FCRL2: variants seen among roughly 807,000 people sequenced by gnomAD.
FCRL2 encodes the protein Fc receptor like 2.
Under a neutral mutation model 59.8 loss-of-function variants are expected in FCRL2, and 48 were observed. The ratio of observed to expected loss-of-function variants is 0.80; its 90% CI spans 0.64 to 1.02. The LOEUF (loss-of-function observed/expected upper bound fraction) is 1.02. FCRL2 is among the 50% of genes least tolerant of loss of function. The pLI is 0.00. For missense variants in FCRL2, 658 were observed against 597.3 expected (o/e 1.10, Z -1.06); for synonymous variants, 251 against 229.5 (o/e 1.09, Z -0.85).
At chr1:157,749,183 C>T (rs1012475874) in intron 8 of FCRL2, among the ~76,000 whole-genome samples, 3 of 146,900 alleles carry the variant, frequency 2.0e-5, no homozygotes, top group Non-Finnish European at 4.5e-5. Flanking sequence ...GATATTGCTC[C>T]AGAATCTTTT....
chr1:157,775,367 A>G (rs910624172), intron 2 of FCRL2, among the ~76,000 whole-genome samples: 2 of 152,242 alleles, frequency 1.3e-5, no homozygotes, highest in African/African-American at 4.8e-5. Context: ...CTGACCCTGC[A>G]GAAGTTTGTA....
intron 4 of FCRL2, 56 bp from the exon 5 acceptor site, chr1:157,768,757 T>C: frequency 6.7e-7 from 1 of 1,490,736 alleles, no homozygotes; most frequent in Non-Finnish European, 9.0e-7. Flanking sequence ...GGGAACAGGG[T>C]TTGACTGATT....
At chr1:157,764,016 C>G (rs143258634) in intron 7 of FCRL2, among the ~76,000 whole-genome samples, 1 of 126,564 alleles carries the variant, frequency 7.9e-6, no homozygotes, top group East Asian at 2.3e-4. Flanking sequence ...GGTGATAGTG[C>G]GAGACTTCAT....
rs1231685611 is a variant in FCRL2, at chr1:157,748,866, G to A, written c.1393+9C>T. 48 of 1,612,046 alleles carry A rather than the reference G, an allele frequency of 3.0e-5. No homozygotes were observed. Among genetic ancestry groups the A allele is most frequent in the Admixed American group, 5.0e-5 (3 of 59,974 alleles). The stretch of plus-strand genomic sequence containing the variant: ...CAGCCTCAGAGCCCTTCCCAGTGGA[G>A]ACACTCACCATTGACATACACTGGC... On this transcript the variant is annotated intron_variant, in intron 9 of 11. Transcript: ENST00000361516.
chr1:157,769,904 A>G lies in FCRL2; in HGVS notation c.557T>C (p.Ile186Thr). 1 of 1,613,978 alleles carries G rather than the reference A, an allele frequency of 6.2e-7. No individual in the cohort carries two copies. The highest frequency in any genetic ancestry group is 1.7e-5 in the Admixed American group (1 of 60,012). ...CTGGGATTGGAGGCTCTGTTTTCTG[A>G]TCCTGTGAGTCACCGTTTCTGCCTT... is the stretch of plus-strand genomic sequence containing the variant. Reference protein sequence around the residue: ...WCKAETVTHRIRKQSLQSQIH... With the variant: ...WCKAETVTHRTRKQSLQSQIH... Residue 186 changes from isoleucine (I) to threonine (T), a missense_variant, in exon 4 of 12, where the codon ATC (isoleucine) becomes ACC (threonine). By Grantham distance (89) the Ile-to-Thr change is moderately conservative (BLOSUM62 -1). Transcript: ENST00000361516.
intron 1 of FCRL2, among the ~76,000 whole-genome samples, chr1:157,776,826 A>T (rs879204804): frequency 6.6e-6 from 1 of 152,206 alleles, no homozygotes; most frequent in South Asian, 2.1e-4. Flanking sequence ...AAAGTGGTCC[A>T]CCTTGAACAT....
intron 5 of FCRL2, 96 bp from the exon 6 acceptor site, chr1:157,767,605 T>C (rs1392857925): frequency 1.2e-6 from 2 of 1,614,026 alleles, no homozygotes; most frequent in South Asian, 1.1e-5. Flanking sequence ...CCTGGCCCCA[T>C]GGCTGTTGCA....
rs1025916376 is a variant in FCRL2 at position 157,746,496 on chromosome 1, G to A, written c.*240C>T. ...TTACACACTGATTGCTTAAGAGAAG[G>A]TAGCAGAAATAATTTATTTGCACAG... On this transcript the variant is annotated 3_prime_UTR_variant, in exon 12 of 12. Transcript: ENST00000361516. The A allele has an allele frequency of 1.1e-5, 6 of 569,016 alleles. No homozygotes were observed. Among genetic ancestry groups the A allele is most frequent in the Non-Finnish European group, 1.9e-5 (6 of 318,316 alleles). 35.2% of individuals were successfully genotyped at this position (569,016 alleles called of 1,614,324 possible).
Position 157,760,686 on chromosome 1 carries a change from A to G in FCRL2, c.1279+6169T>C, listed in dbSNP as rs1260038018. On this transcript the variant is annotated intron_variant, in intron 7 of 11. Transcript: ENST00000361516. ...AGGAAGGAAGGAAGGAAGGAAAGAAAGAAAGAAAGAAGGAAAGAAAGAAAG... is the reference window on the plus strand; with the variant it reads ...AGGAAGGAAGGAAGGAAGGAAAGAAGGAAAGAAAGAAGGAAAGAAAGAAAG... Among the ~76,000 whole-genome samples, 1,015 of 117,102 alleles carry G rather than the reference A, an allele frequency of 8.7e-3. 20 individuals are homozygous for G. The highest frequency in any genetic ancestry group is 0.036 in the African/African-American group (937 of 26,290). The allele number at this position is 117,102 out of a possible 152,430, so 76.8% of individuals were successfully genotyped here. A position where few individuals can be genotyped will look rare whatever the true frequency, so the allele number is the denominator to read the frequency against.
intron 7 of FCRL2, 121 bp from the exon 8 acceptor site, chr1:157,749,798 T>C (rs1005113480): frequency 4.5e-5 from 27 of 599,846 alleles, no homozygotes; most frequent in Non-Finnish European, 7.0e-5. Context: ...AGTAATCCAA[T>C]TGTATTTCAT....
intron 2 of FCRL2, 30 bp downstream of exon 2, chr1:157,775,745 C>A: frequency 6.2e-7 from 1 of 1,613,684 alleles, no homozygotes; most frequent in African/African-American, 1.3e-5. Context: ...ATGCCAGAGA[C>A]CAAGAACAAC....
chr1:157,767,852 T>C lies in FCRL2; in HGVS notation c.884-343A>G, dbSNP rs1444228742. ...TAAGATTTCTATAATATTATAGTTGTTCCTGGGAAAACTGATACATAGGAG... is the reference window on the plus strand; with the variant it reads ...TAAGATTTCTATAATATTATAGTTGCTCCTGGGAAAACTGATACATAGGAG... On this transcript the variant is annotated intron_variant, in intron 5 of 11. Coordinates refer to ENST00000361516, the MANE Select transcript of FCRL2 (RefSeq NM_030764.4). The C allele has an allele frequency of 8.0e-6, 5 of 624,656 alleles. No homozygotes were observed. In the East Asian group the frequency reaches 1.6e-4, roughly 20 times the overall value. The allele number at this position is 624,656 out of a possible 1,614,324, so 38.7% of individuals were successfully genotyped here. A position where few individuals can be genotyped will look rare whatever the true frequency, so the allele number is the denominator to read the frequency against.
intron 7 of FCRL2, among the ~76,000 whole-genome samples, chr1:157,752,589 CTGAGTG>C (rs1380197174): frequency 6.6e-6 from 1 of 152,134 alleles, no homozygotes; most frequent in Non-Finnish European, 1.5e-5. Flanking sequence ...TCCTCTAAGA[CTGAGTG>C]TGAATGGGCA....
chr1:157,749,663 T>C lies in FCRL2; in HGVS notation c.1294A>G (p.Thr432Ala). The C allele has an allele frequency of 6.2e-7, 1 of 1,608,720 alleles. No homozygotes were observed. Among genetic ancestry groups the C allele is most frequent in the Non-Finnish European group, 8.5e-7 (1 of 1,176,658 alleles). Residue 432 changes from threonine to alanine, a missense_variant, in exon 8 of 12, where the codon ACT becomes GCT. Transcript: ENST00000361516. ...AAGAGTTCTCACCTGGGTTCATTAG[T>C]GGCAGAACTTTCTCCTGAAATGCAA... Reference protein sequence around the residue: ...FHKISGESSATNEPRGASRPN... With the variant: ...FHKISGESSAANEPRGASRPN...
Position 157,771,613 on chromosome 1 carries a change from A to G in FCRL2, c.53-947T>C, listed in dbSNP as rs561645288. Reference sequence around the variant, plus strand: ...AAGAAAAAAGCTATTGCCAAAGACAAATGTCCTCCCCAGAGGTTGTTTTCC... The same window carrying G: ...AAGAAAAAAGCTATTGCCAAAGACAGATGTCCTCCCCAGAGGTTGTTTTCC... On this transcript the variant is annotated intron_variant, in intron 2 of 11. Coordinates refer to ENST00000361516, the MANE Select transcript of FCRL2 (RefSeq NM_030764.4). 3.5e-4 allele frequency among the ~76,000 whole-genome samples: 54 copies of G among 152,280 alleles called. No homozygotes were observed. The Middle Eastern group carries it at 0.014, about 38-fold the overall frequency.
chr1:157,775,180 C>T (rs992829361), intron 2 of FCRL2, among the ~76,000 whole-genome samples: 2 of 152,178 alleles, frequency 1.3e-5, no homozygotes, highest in Non-Finnish European at 2.9e-5. Context: ...TGGAACACAG[C>T]CATCCTCATT....
At chr1:157,774,441 A>G (rs1284482427) in intron 2 of FCRL2, 3 of 456,358 alleles carry the variant, frequency 6.6e-6, no homozygotes, top group Non-Finnish European at 1.3e-5. Flanking sequence ...TGCTGAACTA[A>G]GTTCTCTCTT....
chr1:157,768,689 G>A lies in FCRL2; in HGVS notation c.608C>T (p.Ser203Phe), dbSNP rs1342511878. 2 of 1,610,144 alleles carry A rather than the reference G, an allele frequency of 1.2e-6. No individual in the cohort carries two copies. The highest frequency in any genetic ancestry group is 1.7e-6 in the Non-Finnish European group (2 of 1,177,898). Residue 203 changes from serine (S) to phenylalanine (F), a missense_variant, in exon 5 of 12, where the codon TCT (serine) becomes TTT (phenylalanine). Coordinates refer to ENST00000361516, the MANE Select transcript of FCRL2 (RefSeq NM_030764.4). ...GGCCCGGATCTCCAAGCTTACATTA[G>A]AGATGGGGATTCCTAGATGGATATA... is the stretch of plus-strand genomic sequence containing the variant. ...SQIHVQRIPISNVSLEIRAPG... is the reference protein window; with the variant it reads ...SQIHVQRIPIFNVSLEIRAPG...
At chr1:157,763,097 G>A (rs755346628) in intron 7 of FCRL2, among the ~76,000 whole-genome samples, 43 of 152,208 alleles carry the variant, frequency 2.8e-4, no homozygotes, top group Admixed American at 5.9e-4. Context: ...ATTGTTAGAC[G>A]TAGAAAATAC....
Sources: allele counts gnomAD v4.1 joint callset (sites outside exome capture counted in the v4.1 genomes callset), GRCh38; gene constraint gnomAD v4.1.1; transcripts MANE v1.5; gene names NCBI Gene and HGNC (gene_info 2026-07-23, HGNC 2026-07-21).